SETD4: variants seen among roughly 807,000 people sequenced by gnomAD.
SETD4 encodes SET domain-containing protein 4.
SETD4 carries 46 observed loss-of-function variants against 58.3 expected under a neutral mutation model. The observed-to-expected ratio is 0.79, with a 90% CI of 0.62 to 1.01. The LOEUF is 1.01. Among genes scored for constraint, SETD4 ranks in the 50% least tolerant of loss-of-function variants. The pLI is 0.00. For missense variants in SETD4, 490 were observed against 523.3 expected, an observed-to-expected ratio of 0.94 and a Z score of 0.62; for synonymous variants, 190 against 202.6, an observed-to-expected ratio of 0.94 and a Z score of 0.53.
In SETD4 at chr21:36,046,026, A is replaced by G. The variant is rs2064312764; in HGVS notation, c.297-15T>C. The G allele has an allele frequency of 6.2e-7, 1 of 1,602,428 alleles. No homozygotes were observed. The highest frequency in any genetic ancestry group is 1.7e-5 in the Admixed American group (1 of 57,674). On this transcript the variant is annotated splice_polypyrimidine_tract_variant and intron_variant, in intron 5 of 11. Transcript: ENST00000332131. ...GAGGCTTCCACCTTTGAAAATTAAA[A>G]GCCAGTTTAAAGGAATTACTTTGAT... is the stretch of plus-strand genomic sequence containing the variant.
chr21:36,048,350 G>A lies in SETD4; in HGVS notation c.254C>T (p.Thr85Met), dbSNP rs764462238. Residue 85 changes from threonine (T) to methionine (M), a missense_variant, in exon 5 of 12, where the codon ACG (threonine) becomes ATG (methionine). Coordinates refer to ENST00000332131, the MANE Select transcript of SETD4 (RefSeq NM_017438.5). ...ISLPESCLLTTDTVIRSYLGA... is the reference protein window; with the variant it reads ...ISLPESCLLTMDTVIRSYLGA... ...TAAGTAGCTTCGAATCACTGTGTCC[G>A]TGGTGAGCAGGCAACTCTCAGGCAA... 31 of 1,613,962 alleles carry A rather than the reference G, an allele frequency of 1.9e-5. No individual in the cohort carries two copies. In the South Asian group the frequency reaches 2.1e-4, roughly 11 times the overall value.
chr21:36,050,228 C>G, intron 4 of SETD4: 2 of 1,287,434 alleles, frequency 1.6e-6, no homozygotes, highest in Non-Finnish European at 2.3e-6. Flanking sequence ...TCTGTAGTTA[C>G]GTGGCTGCCA....
intron 3 of SETD4, among the ~76,000 whole-genome samples, chr21:36,056,893 C>G (rs2123774306): frequency 6.6e-6 from 1 of 152,290 alleles, no homozygotes; most frequent in Middle Eastern, 3.4e-3. Context: ...AGCACAAGTT[C>G]CAGAGAAGAA....
In SETD4 at chr21:36,051,759, T is replaced by G. The variant is rs1359002571; in HGVS notation, c.207+1824A>C. On this transcript the variant is annotated intron_variant, in intron 4 of 11. Transcript: ENST00000332131. The stretch of plus-strand genomic sequence containing the variant: ...ATATCCAAGTAGCATAACTTCACAT[T>G]GTGTTGGAAGATTTGTCATCAGTGA... Among the ~76,000 whole-genome samples the G allele has an allele frequency of 2.0e-5, 3 of 152,220 alleles. No homozygotes were observed. The East Asian group carries it at 5.8e-4, about 29-fold the overall frequency.
intron 10 of SETD4, among the ~76,000 whole-genome samples, chr21:36,037,477 C>A (rs1161391845): frequency 1.3e-5 from 2 of 150,994 alleles, no homozygotes; most frequent in African/African-American, 2.4e-5. Flanking sequence ...TGGTGGCGGG[C>A]ACTTGTAATC....
At chr21:36,052,751 G>GAA (rs1568932871) in intron 4 of SETD4, among the ~76,000 whole-genome samples, 3 of 152,102 alleles carry the variant, frequency 2.0e-5, no homozygotes, top group Non-Finnish European at 2.9e-5. Context: ...AATAGCATTG[G>GAA]AAGAATGAAA....
intron 8 of SETD4, 94 bp from the exon 9 acceptor site, chr21:36,040,749 G>T: frequency 8.8e-7 from 1 of 1,138,692 alleles, no homozygotes; most frequent in Non-Finnish European, 1.3e-6. Context: ...TTTTTAAAGA[G>T]GTTGCTAAAT....
In SETD4 at chr21:36,043,769, A is replaced by G; in HGVS notation, c.901+13T>C. 6.2e-7 allele frequency: 1 copy of G among 1,613,606 alleles called. No individual in the cohort carries two copies. Among genetic ancestry groups the G allele is most frequent in the Non-Finnish European group, 8.5e-7 (1 of 1,179,822 alleles). On this transcript the variant is annotated intron_variant, in intron 7 of 11. Transcript: ENST00000332131. ...TATATAGTGTTAATGTTAAGAACAA[A>G]GTTGATTCCAACCTCTTGAGACATA...
rs768058156 is a variant in SETD4 at position 36,040,598 on chromosome 21, C to T, written c.1041G>A (p.Leu347=). Residue 347 remains leucine (L), a synonymous_variant, in exon 9 of 12, where the codon TTG becomes TTA. Coordinates refer to ENST00000332131, the MANE Select transcript of SETD4 (RefSeq NM_017438.5). ...PSWRLLTALK[L]LCLEAEKFTC... ...ACAATTTCTCAGCTTCCAGACATAA[C>T]AACTTAAGGGCTGTGAGTAGCCTCC... The T allele has an allele frequency of 8.1e-6, 13 of 1,613,762 alleles. No homozygotes were observed. The Admixed American group carries it at 1.8e-4, about 23-fold the overall frequency.
chr21:36,040,749 G>A lies in SETD4; in HGVS notation c.984-94C>T, dbSNP rs2064010175. Reference sequence around the variant, plus strand: ...GAAGAGCCAAACACCTTTTTAAAGAGGTTGCTAAATGTCATGTAACCTGCA... The same window carrying A: ...GAAGAGCCAAACACCTTTTTAAAGAAGTTGCTAAATGTCATGTAACCTGCA... On this transcript the variant is annotated intron_variant, in intron 8 of 11. Coordinates refer to ENST00000332131, the MANE Select transcript of SETD4 (RefSeq NM_017438.5). 3 of 1,138,694 alleles carry A rather than the reference G, an allele frequency of 2.6e-6. No individual in the cohort carries two copies. In the East Asian group the frequency reaches 7.2e-5, roughly 27 times the overall value. 70.5% of individuals were successfully genotyped at this position (1,138,694 alleles called of 1,614,324 possible). A position where few individuals can be genotyped will look rare whatever the true frequency, so the allele number is the denominator to read the frequency against.
At chr21:36,043,492 C>T (rs2064163307) in intron 7 of SETD4, 1 of 1,186,004 alleles carries the variant, frequency 8.4e-7, no homozygotes, top group Non-Finnish European at 1.0e-6. Flanking sequence ...ATAAACATTT[C>T]CATCCTTTAA....
At position 36,036,089 on chromosome 21, in the gene SETD4, G is replaced by A. The variant is rs2063765602; in HGVS notation, c.*28C>T. ...AAATGTGTGACTAACACCCACCAGAGGAGGTGACCAAATGCGCTTCGGTGA... is the reference window on the plus strand; with the variant it reads ...AAATGTGTGACTAACACCCACCAGAAGAGGTGACCAAATGCGCTTCGGTGA... On this transcript the variant is annotated 3_prime_UTR_variant, in exon 11 of 12. Coordinates refer to ENST00000332131, the MANE Select transcript of SETD4 (RefSeq NM_017438.5). 6.2e-7 allele frequency: 1 copy of A among 1,614,022 alleles called. No homozygotes were observed. The highest frequency in any genetic ancestry group is 1.1e-5 in the South Asian group (1 of 91,080).
chr21:36,041,938 A>G, intron 7 of SETD4, 50 bp from the exon 8 acceptor site: 1 of 998,182 alleles, frequency 1.0e-6, no homozygotes, highest in Non-Finnish European at 1.5e-6. Flanking sequence ...TTTGGACAAA[A>G]GTATGTCTCC....
intron 4 of SETD4, chr21:36,050,779 C>T (rs930915242): frequency 6.2e-6 from 10 of 1,611,598 alleles, no homozygotes; most frequent in Admixed American, 3.3e-5. Flanking sequence ...TGCCATGAAG[C>T]GCCATACTTG....
rs2063774364 is a variant in SETD4 at position 36,036,255 on chromosome 21, A to T, written c.1189-4T>A. On this transcript the variant is annotated splice_region_variant and splice_polypyrimidine_tract_variant and intron_variant, in intron 10 of 11. Coordinates refer to ENST00000332131, the MANE Select transcript of SETD4 (RefSeq NM_017438.5). ...TTTCATCCTTCATATGAGACACCTG[A>T]AAGTTATTTTTTAATTATTGTTATT... 1 of 1,580,834 alleles carries T rather than the reference A, an allele frequency of 6.3e-7. No individual in the cohort carries two copies. The highest frequency in any genetic ancestry group is 1.2e-5 in the South Asian group (1 of 85,108).
intron 6 of SETD4, among the ~76,000 whole-genome samples, chr21:36,044,807 G>T (rs1368721975): frequency 1.3e-5 from 2 of 152,144 alleles, no homozygotes; most frequent in Non-Finnish European, 2.9e-5. Flanking sequence ...CGACGGCCAG[G>T]ACACAGATCC....
chr21:36,055,769 T>C (rs2064955801), intron 3 of SETD4, among the ~76,000 whole-genome samples: 1 of 152,176 alleles, frequency 6.6e-6, no homozygotes, highest in Non-Finnish European at 1.5e-5. Context: ...TGCTCACTTT[T>C]AAAAATAGGA....
In SETD4 at chr21:36,035,930, T is replaced by C; in HGVS notation, c.*63A>G. The C allele has an allele frequency of 1.4e-6, 1 of 738,630 alleles. No individual in the cohort carries two copies. Among genetic ancestry groups the C allele is most frequent in the South Asian group, 1.8e-5 (1 of 55,586 alleles). 45.8% of individuals were successfully genotyped at this position (738,630 alleles called of 1,614,324 possible). ...TGGGGGCAGCCACCACCCCAGCCCA[T>C]GATGATGCTCTTCAAAATTAACTTT... On this transcript the variant is annotated 3_prime_UTR_variant, in exon 12 of 12. Coordinates refer to ENST00000332131, the MANE Select transcript of SETD4 (RefSeq NM_017438.5).
chr21:36,040,468 C>T, intron 9 of SETD4, 107 bp downstream of exon 9: 1 of 855,676 alleles, frequency 1.2e-6, no homozygotes, highest in Non-Finnish European at 1.9e-6. Context: ...ATCCCTTTTT[C>T]CTCCCTGGCT....
Sources: gnomAD v4.1 joint callset for allele counts (sites outside exome capture counted in the v4.1 genomes callset) on GRCh38, gnomAD v4.1.1 for gene constraint, MANE v1.5 for transcripts, NCBI Gene and HGNC (gene_info 2026-07-23, HGNC 2026-07-21) for gene names.